WASHC4: variants seen among roughly 807,000 people sequenced by gnomAD.
WASHC4 encodes the protein WASH complex subunit 7.
A neutral mutation model predicts 166.6 loss-of-function variants in WASHC4; 86 were observed. That is an observed-to-expected ratio of 0.52 (90% CI 0.43 to 0.62). The LOEUF (loss-of-function observed/expected upper bound fraction) is 0.62. WASHC4 is among the 20% of genes least tolerant of loss of function. WASHC4 has a pLI of 0.00. For synonymous variants in WASHC4, 446 were observed against 451.6 expected (o/e 0.99, Z 0.16); for missense variants, 1,262 against 1,382.4 (o/e 0.91, Z 1.38).
chr12:105,163,518 T>C (rs537499821), intron 30 of WASHC4, among the ~76,000 whole-genome samples: 18 of 151,976 alleles, frequency 1.2e-4, no homozygotes, highest in African/African-American at 3.6e-4. Context: ...TCCTTTCTTT[T>C]TGAGGCAGGG....
chr12:105,144,572 ATT>A, intron 21 of WASHC4, 117 bp downstream of exon 21: 1 of 1,184,444 alleles, frequency 8.4e-7, no homozygotes, highest in Non-Finnish European at 1.2e-6. Context: ...CTTTAATTAC[ATT>A]TTGTTTCTTT....
At position 105,149,669 on chromosome 12, in the gene WASHC4, A is replaced by G. The variant is rs1318266908; in HGVS notation, c.2569A>G (p.Met857Val). 1.3e-6 allele frequency: 2 copies of G among 1,566,780 alleles called. No homozygotes were observed. ...GAAGTTCTATATATTTAGCCAATTTATGTATGATGAACACATCAAATCCAG... is the reference window on the plus strand; with the variant it reads ...GAAGTTCTATATATTTAGCCAATTTGTGTATGATGAACACATCAAATCCAG... ...KKKFYIFSQF[M>V]YDEHIKSRLI... The change falls in exon 25 of 33, where the codon ATG becomes GTG. Residue 857 changes from methionine (M) to valine (V), a missense_variant. By Grantham distance (21) the Met-to-Val change is conservative. Transcript: ENST00000332180.
At chr12:105,126,151 T>C in intron 11 of WASHC4, 24 bp downstream of exon 11, 1 of 1,612,796 alleles carries the variant, frequency 6.2e-7, no homozygotes, top group South Asian at 1.1e-5. Context: ...CATTTTTTGG[T>C]TTTTGTTTAT....
chr12:105,157,346 A>C, intron 28 of WASHC4, 24 bp downstream of exon 28: 1 of 1,329,014 alleles, frequency 7.5e-7, no homozygotes, highest in African/African-American at 1.4e-5. Flanking sequence ...GGAAATATAA[A>C]AAAGTGTGTT....
chr12:105,159,970 G>C, intron 28 of WASHC4, 31 bp from the exon 29 acceptor site: 2 of 1,609,372 alleles, frequency 1.2e-6, no homozygotes, highest in Non-Finnish European at 1.7e-6. Context: ...CTTCTTTTGA[G>C]AAAGGAACCA....
At chr12:105,131,269 G>C (rs1881793181) in intron 13 of WASHC4, among the ~76,000 whole-genome samples, 1 of 150,770 alleles carries the variant, frequency 6.6e-6, no homozygotes, top group South Asian at 2.1e-4. Context: ...TGTATTTTTA[G>C]TAGAGACGGG....
At chr12:105,149,467 T>A in intron 24 of WASHC4, 148 bp from the exon 25 acceptor site, 1 of 1,042,358 alleles carries the variant, frequency 9.6e-7, no homozygotes, top group South Asian at 3.3e-5. Flanking sequence ...TATTTAAATA[T>A]TTTCAGGTCC....
At chr12:105,120,997 T>C (rs1336368820) in intron 8 of WASHC4, 104 bp from the exon 9 acceptor site, 5 of 762,866 alleles carry the variant, frequency 6.6e-6, no homozygotes, top group Non-Finnish European at 1.2e-5. Context: ...CCCACTACTT[T>C]TACTAATTCA....
chr12:105,149,017 A>AAAGG (rs1277945120), intron 24 of WASHC4: 1 of 978,324 alleles, frequency 1.0e-6, no homozygotes. Flanking sequence ...GTAGAGATTT[A>AAAGG]ATAATTTATT....
chr12:105,161,546 G>A (rs1035792609), intron 29 of WASHC4, among the ~76,000 whole-genome samples: 2 of 152,186 alleles, frequency 1.3e-5, no homozygotes, highest in African/African-American at 2.4e-5. Context: ...TTACAAGGCA[G>A]TTGTCAGAAT....
In WASHC4 at chr12:105,152,500, C is replaced by CT. The variant is rs536042883; in HGVS notation, c.2758+50dup. 917 of 980,572 alleles carry CT rather than the reference C, an allele frequency of 9.4e-4. 6 individuals are homozygous for CT. The highest frequency in any genetic ancestry group is 8.8e-3 in the Middle Eastern group (42 of 4,798). 60.7% of individuals were successfully genotyped at this position (980,572 alleles called of 1,614,324 possible). A position where few individuals can be genotyped will look rare whatever the true frequency, so the allele number is the denominator to read the frequency against. ...GAAATCAGGTACAGATCCCTACAGT[C>CT]TATCTCATATATTAACTATTTCACA... is the stretch of plus-strand genomic sequence containing the variant. On this transcript the variant is annotated intron_variant, in intron 26 of 32. Coordinates refer to ENST00000332180, the MANE Select transcript of WASHC4 (RefSeq NM_015275.3).
chr12:105,163,289 C>T (rs999906772), intron 30 of WASHC4, among the ~76,000 whole-genome samples: 15 of 151,992 alleles, frequency 9.9e-5, no homozygotes, highest in African/African-American at 3.1e-4. Context: ...TGTTGTTTAC[C>T]GTGTTTTTAG....
Position 105,126,295 on chromosome 12 carries a change from T to G in WASHC4, c.971T>G (p.Leu324Trp). The G allele has an allele frequency of 1.9e-6, 3 of 1,608,086 alleles. No homozygotes were observed. The highest frequency in any genetic ancestry group is 2.6e-6 in the Non-Finnish European group (3 of 1,175,040). Reference sequence around the variant, plus strand: ...GTTGGAATTTGTGGACTCTTTGTATTGCACTTTCAGATTTTTCGAACTATT... The same window carrying G: ...GTTGGAATTTGTGGACTCTTTGTATGGCACTTTCAGATTTTTCGAACTATT... ...KYVGICGLFV[L>W]HFQIFRTIDK... Residue 324 changes from leucine to tryptophan, a missense_variant, in exon 12 of 33, where the codon TTG becomes TGG. Leu to Trp is a moderately conservative substitution (Grantham distance 61). Transcript: ENST00000332180.
chr12:105,146,383 A>C, intron 22 of WASHC4, 69 bp from the exon 23 acceptor site: 1 of 926,972 alleles, frequency 1.1e-6, no homozygotes, highest in South Asian at 1.4e-5. Flanking sequence ...ATAAGTCATT[A>C]TGCTGATACA....
At chr12:105,130,998 T>G (rs1000329582) in intron 13 of WASHC4, among the ~76,000 whole-genome samples, 5 of 152,218 alleles carry the variant, frequency 3.3e-5, no homozygotes. Flanking sequence ...AATAGGACAC[T>G]TCACGATTTT....
intron 32 of WASHC4, among the ~76,000 whole-genome samples, chr12:105,165,149 A>C (rs1884730994): frequency 6.6e-6 from 1 of 152,228 alleles, no homozygotes; most frequent in East Asian, 1.9e-4. Flanking sequence ...AAGAACTGTA[A>C]AATCATAGGG....
chr12:105,142,378 A>G, intron 18 of WASHC4, 75 bp from the exon 19 acceptor site: 1 of 836,398 alleles, frequency 1.2e-6, no homozygotes, highest in East Asian at 2.5e-5. Flanking sequence ...TTCCTTCTGT[A>G]GTAGATGTCA....
At chr12:105,122,065 A>G in intron 9 of WASHC4, 53 bp from the exon 10 acceptor site, 1 of 1,346,982 alleles carries the variant, frequency 7.4e-7, no homozygotes, top group Non-Finnish European at 1.0e-6. Flanking sequence ...TTTAATTTTT[A>G]ATTTAAGAAT....
rs533742944 is a variant in WASHC4, at chr12:105,110,667, A to C, written c.62-458A>C. 2.0e-4 allele frequency among the ~76,000 whole-genome samples: 31 copies of C among 152,336 alleles called. No individual in the cohort carries two copies. The South Asian group carries it at 6.4e-3, about 32-fold the overall frequency. On this transcript the variant is annotated intron_variant, in intron 1 of 32. Transcript: ENST00000332180. ...TAAAAATATTTAGGTGTATTATTAA[A>C]CATTAGTGTGTATAGAATTAAAAAC...
Sources: allele counts gnomAD v4.1 joint callset (sites outside exome capture counted in the v4.1 genomes callset), GRCh38; gene constraint gnomAD v4.1.1; transcripts MANE v1.5; gene names NCBI Gene and HGNC (gene_info 2026-07-23, HGNC 2026-07-21).